ATM: variants seen among roughly 807,000 people sequenced by gnomAD.
ATM encodes the protein serine-protein kinase ATM.
In ATM, 308 loss-of-function variants were observed where a neutral mutation model predicts 387.0. The observed-to-expected ratio is 0.80, with a 90% confidence interval of 0.73 to 0.87. The LOEUF is 0.87. ATM is among the 40% of genes least tolerant of loss of function. ATM has a pLI of 0.00. For synonymous variants in ATM, 1,156 were observed against 1,187.3 expected (o/e 0.97, Z 0.54); for missense variants, 3,312 against 3,560.9 (o/e 0.93, Z 1.78).
At chr11:108,361,438 A>G (rs1001866037) in intron 61 of ATM, among the ~76,000 whole-genome samples, 15 of 151,984 alleles carry the variant, frequency 9.9e-5, no homozygotes, top group African/African-American at 3.6e-4. Flanking sequence ...ACAGAATTGG[A>G]AAAAACTACT....
At chr11:108,240,260 A>G (rs1396335559) in intron 5 of ATM, among the ~76,000 whole-genome samples, 1 of 152,192 alleles carries the variant, frequency 6.6e-6, no homozygotes, top group Admixed American at 6.5e-5. Context: ...TTTCACTATT[A>G]CAGAATCATA....
chr11:108,294,442 A>C (rs2083005618), intron 31 of ATM, among the ~76,000 whole-genome samples: 1 of 152,204 alleles, frequency 6.6e-6, no homozygotes, highest in Admixed American at 6.5e-5. Flanking sequence ...AGAGTCTATT[A>C]GAATTTAAAG....
At chr11:108,249,237 A>G (rs1322796628) in intron 9 of ATM, 135 bp downstream of exon 9, 2 of 1,022,224 alleles carry the variant, frequency 2.0e-6, no homozygotes, top group Non-Finnish European at 3.0e-6. Flanking sequence ...TTACTAGCAA[A>G]GGGATATGTG....
chr11:108,336,156 A>G (rs980289231), intron 56 of ATM, 195 bp downstream of exon 56: 8 of 493,744 alleles, frequency 1.6e-5, no homozygotes, highest in African/African-American at 5.9e-5. Flanking sequence ...AAAAAAAAAA[A>G]GCCAGAGATG....
At chr11:108,299,985 T>C in intron 34 of ATM, 100 bp downstream of exon 34, 1 of 1,181,956 alleles carries the variant, frequency 8.5e-7, no homozygotes, top group Non-Finnish European at 1.2e-6. Context: ...AGCTTTGTCC[T>C]TTTTTAAATC....
intron 59 of ATM, among the ~76,000 whole-genome samples, chr11:108,350,588 A>C (rs1565573858): frequency 6.6e-6 from 1 of 152,206 alleles, no homozygotes; most frequent in Non-Finnish European, 1.5e-5. Context: ...TGAATTCTAG[A>C]GTTGGGACAG....
intron 7 of ATM, among the ~76,000 whole-genome samples, chr11:108,246,120 G>A (rs191682117): frequency 5.3e-5 from 8 of 152,076 alleles, no homozygotes; most frequent in East Asian, 1.9e-4. Context: ...CACTGTGCCC[G>A]GCCGTGTAGC....
intron 13 of ATM, 132 bp from the exon 14 acceptor site, chr11:108,256,083 G>A (rs1565394119): frequency 1.3e-6 from 1 of 768,096 alleles, no homozygotes; most frequent in Non-Finnish European, 1.9e-6. Flanking sequence ...AGCTATCCAG[G>A]ATATGCCACC....
intron 53 of ATM, among the ~76,000 whole-genome samples, 167 bp from the exon 54 acceptor site, chr11:108,333,719 A>G (rs1263241872): frequency 2.0e-5 from 3 of 152,108 alleles, no homozygotes; most frequent in Non-Finnish European, 2.9e-5. Flanking sequence ...TTGAGCTTTG[A>G]CTCTGAGCTG....
rs1064794747 is a variant in ATM at position 108,251,974 on chromosome 11, T to A, written c.1745T>A (p.Phe582Tyr). ...GAATCAATAATGAAATGGCTCTTAT[T>A]CTATCAGTTAGAGGGTGACTTAGAA... ...LKESIMKWLL[F>Y]YQLEGDLENS... Residue 582 changes from phenylalanine (F) to tyrosine (Y), a missense_variant, in exon 11 of 63, where the codon TTC becomes TAC. By Grantham distance (22) the Phe-to-Tyr change is conservative. This residue lies in a region of ATM where 1,791 missense variants were observed against 1,804.5 expected (regional missense o/e 0.99). Transcript: ENST00000675843. 1 of 1,613,800 alleles carries A rather than the reference T, an allele frequency of 6.2e-7. No homozygotes were observed. The highest frequency in any genetic ancestry group is 8.5e-7 in the Non-Finnish European group (1 of 1,179,810).
intron 61 of ATM, among the ~76,000 whole-genome samples, chr11:108,356,857 G>C (rs1461128855): frequency 6.6e-6 from 1 of 152,186 alleles, no homozygotes; most frequent in Non-Finnish European, 1.5e-5. Flanking sequence ...GATTTCCTTT[G>C]AGTGAGGGTT....
At chr11:108,338,418 G>A (rs1275969099) in intron 56 of ATM, among the ~76,000 whole-genome samples, 1 of 152,144 alleles carries the variant, frequency 6.6e-6, no homozygotes, top group East Asian at 1.9e-4. Context: ...ACTTTGAGAG[G>A]CCAAGGCAGG....
In ATM at chr11:108,271,238, T is replaced by C. The variant is rs1565424946; in HGVS notation, c.2922-13T>C. On this transcript the variant is annotated splice_polypyrimidine_tract_variant and intron_variant, in intron 19 of 62. Transcript: ENST00000675843. ...GCTTATAAAGTTGAACTTTTTTTTT[T>C]TTTTTACCACAGCAATGTGTGTTCT... 1 of 1,613,664 alleles carries C rather than the reference T, an allele frequency of 6.2e-7. No individual in the cohort carries two copies. Among genetic ancestry groups the C allele is most frequent in the African/African-American group, 1.3e-5 (1 of 75,010 alleles).
chr11:108,364,946 G>T, intron 61 of ATM, 136 bp from the exon 62 acceptor site: 1 of 910,336 alleles, frequency 1.1e-6, no homozygotes. Flanking sequence ...GAAACATGAA[G>T]TGTGCATGAT....
At chr11:108,275,473 T>C (rs1351657137) in intron 22 of ATM, among the ~76,000 whole-genome samples, 3 of 152,214 alleles carry the variant, frequency 2.0e-5, no homozygotes, top group Admixed American at 2.0e-4. Flanking sequence ...TCTTTACAAT[T>C]TGGTATGTTT....
intron 59 of ATM, among the ~76,000 whole-genome samples, chr11:108,348,837 A>G (rs1440709677): frequency 2.6e-5 from 4 of 152,222 alleles, no homozygotes; most frequent in African/African-American, 9.6e-5. Context: ...TCTCTTCTGC[A>G]TAAGTTATAA....
intron 8 of ATM, among the ~76,000 whole-genome samples, chr11:108,247,849 C>T (rs890323246): frequency 1.3e-5 from 2 of 151,540 alleles, no homozygotes; most frequent in Non-Finnish European, 2.9e-5. Context: ...CTGCATCGGC[C>T]TCCCATAGTG....
At chr11:108,251,764 C>A in intron 10 of ATM, 73 bp from the exon 11 acceptor site, 1 of 1,401,688 alleles carries the variant, frequency 7.1e-7, no homozygotes, top group Non-Finnish European at 1.0e-6. Flanking sequence ...ATGTGCCAGG[C>A]ACTGTCCTGA....
intron 8 of ATM, 71 bp from the exon 9 acceptor site, chr11:108,248,862 T>C (rs2079981079): frequency 7.3e-7 from 1 of 1,361,972 alleles, no homozygotes; most frequent in Non-Finnish European, 1.0e-6. Context: ...CACTCCAACC[T>C]GGGCAACAAC....
Sources: gnomAD v4.1 joint callset for allele counts (sites outside exome capture counted in the v4.1 genomes callset) on GRCh38, gnomAD v4.1.1 for gene constraint, gnomAD v4.1.1 regional missense constraint, MANE v1.5 for transcripts, NCBI Gene and HGNC (gene_info 2026-07-23, HGNC 2026-07-21) for gene names.